Variants in ATP8A2 observed in about 807,000 individuals in gnomAD.
ATP8A2 encodes the protein ATPase phospholipid transporting 8A2, also known as phospholipid-transporting ATPase IB.
ATP8A2 carries 100 observed loss-of-function variants against 165.6 expected under a neutral mutation model. The ratio of observed to expected loss-of-function variants is 0.60; its 90% confidence interval spans 0.51 to 0.71. The LOEUF (loss-of-function observed/expected upper bound fraction) is 0.71, where lower values mean the gene tolerates loss of function less well. ATP8A2 is among the 30% of genes least tolerant of loss of function. The pLI, the probability that ATP8A2 is intolerant of heterozygous loss-of-function variation, is 0.00. For missense variants in ATP8A2, 1,227 were observed against 1,479.5 expected (o/e 0.83, Z 2.80); for synonymous variants, 543 against 548.8 (o/e 0.99, Z 0.15).
chr13:25,439,534 T>G (rs937797111), intron 1 of ATP8A2, among the ~76,000 whole-genome samples: 1 of 152,246 alleles, frequency 6.6e-6, no homozygotes, highest in Admixed American at 6.5e-5. Flanking sequence ...CCACTTGTTT[T>G]GTTGGTTTTA....
rs375857470 is a variant in ATP8A2, at chr13:25,797,033, T to C, written c.2679+22074T>C. On this transcript the variant is annotated intron_variant, in intron 27 of 36. Coordinates refer to ENST00000381655, the MANE Select transcript of ATP8A2 (RefSeq NM_016529.6). ...CTATAATCCCAACACTTTGGGAGGC[T>C]GAGGCGGGCAGATCACCTGAGGTCA... Among the ~76,000 whole-genome samples the C allele has an allele frequency of 8.0e-4, 122 of 152,276 alleles. 1 individual carries two copies. The highest frequency in any genetic ancestry group is 3.1e-3 in the South Asian group (15 of 4,826).
rs745397663 is a variant in ATP8A2 at position 25,543,384 on chromosome 13, C to T, written c.873C>T (p.His291=). The T allele has an allele frequency of 3.9e-5, 63 of 1,602,932 alleles. 1 individual carries two copies. Among genetic ancestry groups the T allele is most frequent in the South Asian group, 7.8e-5 (7 of 90,312 alleles). ...TTGGCATAGTTGTTTATACTGGACA[C>T]GACACCAAACTCATGCAGGTAAAAC... is the stretch of plus-strand genomic sequence containing the variant. The part of the protein sequence containing the change: ...WVFGIVVYTG[H]DTKLMQNSTK... The change falls in exon 10 of 37, where the codon CAC becomes CAT. Residue 291 remains histidine, a synonymous_variant. Coordinates refer to ENST00000381655, the MANE Select transcript of ATP8A2 (RefSeq NM_016529.6).
chr13:25,701,909 A>G (rs1391245142), intron 25 of ATP8A2, among the ~76,000 whole-genome samples: 1 of 152,192 alleles, frequency 6.6e-6, no homozygotes, highest in East Asian at 1.9e-4. Context: ...ACAGTCTACA[A>G]AATGGAAGCA....
At chr13:25,885,328 G>T in intron 33 of ATP8A2, among the ~76,000 whole-genome samples, 1 of 152,066 alleles carries the variant, frequency 6.6e-6, no homozygotes, top group East Asian at 2.0e-4. Flanking sequence ...GGCCAGGCTG[G>T]TCTCGAACTC....
chr13:25,680,565 A>C (rs2042464730), intron 24 of ATP8A2, among the ~76,000 whole-genome samples: 2 of 152,208 alleles, frequency 1.3e-5, no homozygotes, highest in African/African-American at 2.4e-5. Flanking sequence ...GCAGAAATGA[A>C]GGTCATGGAG....
chr13:25,453,345 C>T (rs1450297074), intron 1 of ATP8A2, among the ~76,000 whole-genome samples: 2 of 151,952 alleles, frequency 1.3e-5, no homozygotes, highest in African/African-American at 2.4e-5. Context: ...AGACTGGTCT[C>T]GAACTCCTGA....
chr13:25,513,020 CA>C (rs2037314568), intron 2 of ATP8A2, among the ~76,000 whole-genome samples: 1 of 148,720 alleles, frequency 6.7e-6, no homozygotes, highest in African/African-American at 2.5e-5. Flanking sequence ...TGACCCCCCC[CA>C]CCTCCCTCCC....
intron 35 of ATP8A2, among the ~76,000 whole-genome samples, chr13:25,987,206 T>A (rs1956293984): frequency 6.6e-6 from 1 of 152,172 alleles, no homozygotes; most frequent in Admixed American, 6.5e-5. Flanking sequence ...CAGCCTCCCA[T>A]CATTGGTTGC....
At chr13:25,565,520 A>G (rs1034522933) in intron 16 of ATP8A2, among the ~76,000 whole-genome samples, 1 of 152,148 alleles carries the variant, frequency 6.6e-6, no homozygotes, top group Non-Finnish European at 1.5e-5. Context: ...GGCCATTTGT[A>G]TATCTTCTTT....
intron 1 of ATP8A2, among the ~76,000 whole-genome samples, chr13:25,448,679 T>C (rs1288577208): frequency 1.3e-5 from 2 of 152,188 alleles, no homozygotes; most frequent in African/African-American, 4.8e-5. Context: ...AGACAGAGTC[T>C]CACTCTGTTA....
chr13:25,949,742 G>A (rs1038866683), intron 33 of ATP8A2, among the ~76,000 whole-genome samples: 11 of 152,298 alleles, frequency 7.2e-5, no homozygotes, highest in Admixed American at 4.6e-4. Flanking sequence ...GAGACTGCAC[G>A]TGTGTCTTCA....
chr13:25,505,695 T>G (rs2037015051), intron 2 of ATP8A2, among the ~76,000 whole-genome samples: 1 of 152,238 alleles, frequency 6.6e-6, no homozygotes, highest in South Asian at 2.1e-4. Context: ...TGCTCACTTA[T>G]TTCCCTTTCA....
intron 33 of ATP8A2, chr13:25,880,984 G>C (rs1952962413): frequency 1.1e-5 from 5 of 456,188 alleles, no homozygotes; most frequent in Non-Finnish European, 2.2e-5. Flanking sequence ...CAAAGATTGA[G>C]TTTGTGTAGA....
At chr13:25,666,871 A>G (rs1350212106) in intron 24 of ATP8A2, among the ~76,000 whole-genome samples, 1 of 152,336 alleles carries the variant, frequency 6.6e-6, no homozygotes, top group East Asian at 1.9e-4. Context: ...TAGAAAAAGT[A>G]CTTTTATTCA....
At chr13:25,646,159 T>C (rs2041665234) in intron 24 of ATP8A2, among the ~76,000 whole-genome samples, 2 of 152,218 alleles carry the variant, frequency 1.3e-5, no homozygotes, top group African/African-American at 4.8e-5. Context: ...ATTGTTATTA[T>C]ATAATGTCCT....
At position 25,372,408 on chromosome 13, in the gene ATP8A2, GCTCTCTGGGCTGC is replaced by G; in HGVS notation, c.76+121_76+133del. ...CCGCTCCCCTCCCTGGGCTCCCTGG[GCTCTCTGGGCTGC>G]AGGATCCGCCGACGCGGCGCGCTGG... On this transcript the variant is annotated intron_variant, in intron 1 of 36. Transcript: ENST00000381655. This position sits in a 1 kb window ranked among gnomAD's most constrained non-coding sequence, Gnocchi z 4.8. The G allele has an allele frequency of 8.7e-6, 6 of 691,800 alleles. No homozygotes were observed. The highest frequency in any genetic ancestry group is 1.2e-5 in the Non-Finnish European group (6 of 488,762). The allele number at this position is 691,800 out of a possible 1,614,324, so 42.9% of individuals were successfully genotyped here. A position where few individuals can be genotyped will look rare whatever the true frequency, so the allele number is the denominator to read the frequency against.
chr13:25,965,953 C>A (rs563458950), intron 34 of ATP8A2, among the ~76,000 whole-genome samples: 62 of 150,748 alleles, frequency 4.1e-4, no homozygotes, highest in Non-Finnish European at 4.0e-4. Flanking sequence ...ACACTTCCAT[C>A]CAGGTTTAGA....
rs6491044 is a variant in ATP8A2, at chr13:25,381,716, T to C, written c.76+9428T>C. ...ATGATGAGAGCTGTGTTGTCTGCAG[T>C]CTGTGATATTTTTCAGTGGAGATCT... is the stretch of plus-strand genomic sequence containing the variant. On this transcript the variant is annotated intron_variant, in intron 1 of 36. Coordinates refer to ENST00000381655, the MANE Select transcript of ATP8A2 (RefSeq NM_016529.6). 6.6e-3 allele frequency among the ~76,000 whole-genome samples: 1,002 copies of C among 152,286 alleles called. 17 individuals carry two copies. The highest frequency in any genetic ancestry group is 0.023 in the African/African-American group (961 of 41,546).
At chr13:25,416,703 G>A (rs1219541340) in intron 1 of ATP8A2, among the ~76,000 whole-genome samples, 1 of 152,170 alleles carries the variant, frequency 6.6e-6, no homozygotes. Flanking sequence ...GCTGTAATTT[G>A]TTGTATCACA....
Sources: allele counts gnomAD v4.1 joint callset (sites outside exome capture counted in the v4.1 genomes callset), GRCh38; gene constraint gnomAD v4.1.1; non-coding constraint Gnocchi (gnomAD v3.1); transcripts MANE v1.5; gene names NCBI Gene and HGNC (gene_info 2026-07-23, HGNC 2026-07-21).